Variants in HLA-DMB observed in about 807,000 individuals in gnomAD.
The protein encoded by HLA-DMB is major histocompatibility complex, class II, DM beta.
A neutral mutation model predicts 29.3 loss-of-function variants in HLA-DMB; 18 were observed. The ratio of observed to expected loss-of-function variants is 0.62; its 90% CI spans 0.43 to 0.91. The LOEUF is 0.91. Ranked by LOEUF, HLA-DMB falls within the 40% of genes least tolerant of loss-of-function variation. The pLI is 0.00. For missense variants in HLA-DMB, 258 were observed against 320.9 expected (o/e 0.80, Z 1.50); for synonymous variants, 143 against 128.7 (o/e 1.11, Z -0.75).
At chr6:32,938,329 G>T in intron 2 of HLA-DMB, 1 of 265,046 alleles carries the variant, frequency 3.8e-6, no homozygotes, top group Non-Finnish European at 7.1e-6. Context: ...AGAATCCCCT[G>T]GGATTCCAAA....
rs761448834 is a variant in HLA-DMB, at chr6:32,938,854, G to C, written c.167C>G (p.Pro56Arg). 6.2e-7 allele frequency: 1 copy of C among 1,612,392 alleles called. No individual in the cohort carries two copies. Among genetic ancestry groups the C allele is most frequent in the South Asian group, 1.1e-5 (1 of 91,000 alleles). Residue 56 changes from proline to arginine, a missense_variant, in exon 2 of 6, where the codon CCA becomes CGA. By Grantham distance (103) the Pro-to-Arg change is moderately radical. Transcript: ENST00000418107. ...FNKDLLTCWD[P>R]EENKMAPCEF... ...GCAAGGGGCCATCTTATTCTCCTCT[G>C]GATCCCAGCAGGTCAGCAGATCCTT... is the stretch of plus-strand genomic sequence containing the variant.
intron 3 of HLA-DMB, chr6:32,935,904 A>G (rs1775969894): frequency 1.9e-6 from 1 of 535,434 alleles, no homozygotes; most frequent in South Asian, 2.5e-5. Flanking sequence ...GTCCTCTCTA[A>G]TACAGTGGGG....
rs1238311872 is a variant in HLA-DMB at position 32,938,727 on chromosome 6, G to A, written c.294C>T (p.Ala98=). Residue 98 remains alanine, a synonymous_variant, in exon 2 of 6, where the codon GCC becomes GCT. Coordinates refer to ENST00000418107, the MANE Select transcript of HLA-DMB (RefSeq NM_002118.5). ...ATCCCCAGAAGGGCTGGGTGTGTGT[G>A]GCACAATTCTGAAGCCCATTGCGCA... is the stretch of plus-strand genomic sequence containing the variant. ...QRLRNGLQNC[A]THTQPFWGSL... is the part of the protein sequence containing the mutation. 6.3e-7 allele frequency: 1 copy of A among 1,579,190 alleles called. No individual in the cohort carries two copies. Among genetic ancestry groups the A allele is most frequent in the Non-Finnish European group, 8.6e-7 (1 of 1,162,068 alleles).
rs1394052694 is a variant in HLA-DMB, at chr6:32,935,357, A to G, written c.760T>C (p.Ser254Pro). 1 of 1,611,322 alleles carries G rather than the reference A, an allele frequency of 6.2e-7. No individual in the cohort carries two copies. Among genetic ancestry groups the G allele is most frequent in the Non-Finnish European group, 8.5e-7 (1 of 1,178,426 alleles). Reference protein sequence around the residue: ...GHSSYTPLPGSNYSEGWHIS With the variant: ...GHSSYTPLPGPNYSEGWHIS ...GAGATGTTACCTTCTGAATAATTGG[A>G]CCCAGGAAGAGGAGTGTAACCTAAG... Residue 254 changes from serine to proline, a missense_variant, in exon 5 of 6, where the codon TCC becomes CCC. Physicochemically the swap from Ser to Pro is moderately conservative, Grantham distance 74. Coordinates refer to ENST00000418107, the MANE Select transcript of HLA-DMB (RefSeq NM_002118.5).
Position 32,935,383 on chromosome 6 carries a change from A to G in HLA-DMB, c.740-6T>C. ...CCCAGGAAGAGGAGTGTAACCTAAG[A>G]GAGGAAGATACTTGATTATACCAGT... On this transcript the variant is annotated splice_polypyrimidine_tract_variant and splice_region_variant and intron_variant, in intron 4 of 5. Coordinates refer to ENST00000418107, the MANE Select transcript of HLA-DMB (RefSeq NM_002118.5). 1 of 1,606,680 alleles carries G rather than the reference A, an allele frequency of 6.2e-7. No homozygotes were observed. Among genetic ancestry groups the G allele is most frequent in the Non-Finnish European group, 8.5e-7 (1 of 1,174,202 alleles).
rs767501889 is a variant in HLA-DMB at position 32,940,766 on chromosome 6, G to A, written c.42C>T (p.Gly14=). ...AAGTGTCCTTACCTGCTCCTGTGCA[G>A]CCCAGGCTGAGCCCCAGCAGCAGCG... ...FLPLLLGLSL[G]CTGAGGFVAH... Residue 14 remains glycine, a synonymous_variant, in exon 1 of 6, where the codon GGC becomes GGT. Coordinates refer to ENST00000418107, the MANE Select transcript of HLA-DMB (RefSeq NM_002118.5). 21 of 1,606,004 alleles carry A rather than the reference G, an allele frequency of 1.3e-5. No individual in the cohort carries two copies. Among genetic ancestry groups the A allele is most frequent in the Non-Finnish European group, 1.8e-5 (21 of 1,176,854 alleles).
chr6:32,939,497 C>A (rs6940843), intron 1 of HLA-DMB, among the ~76,000 whole-genome samples: 3,363 of 152,264 alleles, frequency 0.022, 53 homozygotes, highest in South Asian at 0.038. Flanking sequence ...CTGGATGTTC[C>A]TTTGTATGCT....
At position 32,937,931 on chromosome 6, in the gene HLA-DMB, A is replaced by C. The variant is rs1776105066; in HGVS notation, c.338-475T>G. The C allele has an allele frequency of 1.3e-5, 2 of 159,002 alleles. No individual in the cohort carries two copies. Among genetic ancestry groups the C allele is most frequent in the Admixed American group, 1.3e-4 (2 of 15,724 alleles). 9.8% of individuals were successfully genotyped at this position (159,002 alleles called of 1,614,324 possible). On this transcript the variant is annotated intron_variant, in intron 2 of 5. Coordinates refer to ENST00000418107, the MANE Select transcript of HLA-DMB (RefSeq NM_002118.5). This position sits in a 1 kb window ranked among gnomAD's most constrained non-coding sequence, Gnocchi z 4.1. ...TTCAAGGAAACAAGCCTAACTTAGG[A>C]CTCACTCTTAAATTTGGAATGAATG...
Position 32,937,491 on chromosome 6 carries a change from G to T in HLA-DMB, c.338-35C>A. ...AGAAAAAAACATGTTTAGGAAGGAG[G>T]GTGACATTCTGGCTGCTTCCTCAAC... is the stretch of plus-strand genomic sequence containing the variant. On this transcript the variant is annotated intron_variant, in intron 2 of 5. Transcript: ENST00000418107. The surrounding 1 kb of genome is among the most constrained non-coding windows in gnomAD (Gnocchi z 4.1). 9 of 1,560,756 alleles carry T rather than the reference G, an allele frequency of 5.8e-6. No individual in the cohort carries two copies. The highest frequency in any genetic ancestry group is 2.3e-5 in the South Asian group (2 of 85,302).
Position 32,935,547 on chromosome 6 carries a change from G to A in HLA-DMB, c.728C>T (p.Ala243Val), listed in dbSNP as rs752932562. ...FSLGVISWRRAGHSSYTPLPG... is the reference protein window; with the variant it reads ...FSLGVISWRRVGHSSYTPLPG... ...AGCGAGTCACTCACTAGAGTGGCCA[G>A]CTCTCCGCCAGCTGATCACACCAAG... Residue 243 changes from alanine (A) to valine (V), a missense_variant, in exon 4 of 6, where the codon GCT (alanine) becomes GTT (valine). By Grantham distance (64) the Ala-to-Val change is moderately conservative. Coordinates refer to ENST00000418107, the MANE Select transcript of HLA-DMB (RefSeq NM_002118.5). 1.2e-6 allele frequency: 2 copies of A among 1,612,458 alleles called. No individual in the cohort carries two copies. Among genetic ancestry groups the A allele is most frequent in the Non-Finnish European group, 1.7e-6 (2 of 1,179,446 alleles).
In HLA-DMB at chr6:32,938,984, G is replaced by A. The variant is rs149133962; in HGVS notation, c.56-19C>T. 4.8e-6 allele frequency: 7 copies of A among 1,453,600 alleles called. No individual in the cohort carries two copies. The East Asian group carries it at 1.8e-4, about 38-fold the overall frequency. The allele number at this position is 1,453,600 out of a possible 1,614,324, so 90.0% of individuals were successfully genotyped here. A position where few individuals can be genotyped will look rare whatever the true frequency, so the allele number is the denominator to read the frequency against. Reference sequence around the variant, plus strand: ...AAGCCACCTAGAGGAGCCAGGGAAGGGAGAACAGGTCAATGTCTTCTACTG... The same window carrying A: ...AAGCCACCTAGAGGAGCCAGGGAAGAGAGAACAGGTCAATGTCTTCTACTG... On this transcript the variant is annotated intron_variant, in intron 1 of 5. Coordinates refer to ENST00000418107, the MANE Select transcript of HLA-DMB (RefSeq NM_002118.5).
At position 32,938,899 on chromosome 6, in the gene HLA-DMB, GTGAAAT is replaced by G; in HGVS notation, c.116_121del (p.Asp39_Thr41delinsAla). On this transcript the variant is annotated inframe_deletion, in exon 2 of 6. Coordinates refer to ENST00000418107, the MANE Select transcript of HLA-DMB (RefSeq NM_002118.5). ...ATCCTTGTTGAAGGAGATGCAGTAT[GTGAAAT>G]CCTTTGGAGTCCCAGCATCATCCAA... The G allele has an allele frequency of 6.2e-7, 1 of 1,610,816 alleles. No individual in the cohort carries two copies. The highest frequency in any genetic ancestry group is 8.5e-7 in the Non-Finnish European group (1 of 1,179,100).
At chr6:32,935,108 A>T (rs1206951141) in intron 5 of HLA-DMB, 121 bp from the exon 6 acceptor site, 1 of 1,129,432 alleles carries the variant, frequency 8.9e-7, no homozygotes, top group African/African-American at 1.5e-5. Context: ...ACCAACAACT[A>T]ATACAAAGGA....
chr6:32,935,882 C>G lies in HLA-DMB; in HGVS notation c.623-230G>C, dbSNP rs989192423. Reference sequence around the variant, plus strand: ...GAACCCATCTCCCCAGAATTAGCATCCTGGCTTCCAGGTCCTCTCTAATAC... The same window carrying G: ...GAACCCATCTCCCCAGAATTAGCATGCTGGCTTCCAGGTCCTCTCTAATAC... On this transcript the variant is annotated intron_variant, in intron 3 of 5. Transcript: ENST00000418107. 13 of 577,384 alleles carry G rather than the reference C, an allele frequency of 2.3e-5. No individual in the cohort carries two copies. The East Asian group carries it at 2.9e-4, about 13-fold the overall frequency. 35.8% of individuals were successfully genotyped at this position (577,384 alleles called of 1,614,324 possible). A position where few individuals can be genotyped will look rare whatever the true frequency, so the allele number is the denominator to read the frequency against.
chr6:32,940,328 G>A (rs1009918199), intron 1 of HLA-DMB, among the ~76,000 whole-genome samples: 6 of 152,018 alleles, frequency 3.9e-5, no homozygotes, highest in Non-Finnish European at 8.8e-5. Context: ...GTAGCCCCCC[G>A]AGATTATTTG....
At position 32,938,910 on chromosome 6, in the gene HLA-DMB, T is replaced by C; in HGVS notation, c.111A>G (p.Pro37=). 6.2e-7 allele frequency: 1 copy of C among 1,608,854 alleles called. No homozygotes were observed. Among genetic ancestry groups the C allele is most frequent in the South Asian group, 1.1e-5 (1 of 90,518 alleles). Residue 37 remains proline, a synonymous_variant, in exon 2 of 6, where the codon CCA becomes CCG. Transcript: ENST00000418107. The part of the protein sequence containing the change: ...STCLLDDAGT[P]KDFTYCISFN... ...AGGAGATGCAGTATGTGAAATCCTTTGGAGTCCCAGCATCATCCAACAGAC... is the reference window on the plus strand; with the variant it reads ...AGGAGATGCAGTATGTGAAATCCTTCGGAGTCCCAGCATCATCCAACAGAC...
chr6:32,934,879 T>C lies in HLA-DMB; in HGVS notation c.*92A>G. On this transcript the variant is annotated 3_prime_UTR_variant, in exon 6 of 6. Coordinates refer to ENST00000418107, the MANE Select transcript of HLA-DMB (RefSeq NM_002118.5). ...GGAGAAACCATAGGATCCAAGATAA[T>C]GTCAGGGGGTTGAAGATGTTGGAGA... 4.9e-6 allele frequency: 6 copies of C among 1,223,288 alleles called. No individual in the cohort carries two copies. Among genetic ancestry groups the C allele is most frequent in the Non-Finnish European group, 6.0e-6 (5 of 827,788 alleles). 75.8% of individuals were successfully genotyped at this position (1,223,288 alleles called of 1,614,324 possible).
rs1176348986 is a variant in HLA-DMB at position 32,934,717 on chromosome 6, A to C, written c.*254T>G. On this transcript the variant is annotated 3_prime_UTR_variant, in exon 6 of 6. Transcript: ENST00000418107. Reference sequence around the variant, plus strand: ...ACTGAGAGCCCCAGGAGGGTCTTTAACTCCCTTCCTCAGATTATATTCATC... The same window carrying C: ...ACTGAGAGCCCCAGGAGGGTCTTTACCTCCCTTCCTCAGATTATATTCATC... 1 of 556,708 alleles carries C rather than the reference A, an allele frequency of 1.8e-6. No homozygotes were observed. Among genetic ancestry groups the C allele is most frequent in the African/African-American group, 1.9e-5 (1 of 52,634 alleles). 34.5% of individuals were successfully genotyped at this position (556,708 alleles called of 1,614,324 possible). A position where few individuals can be genotyped will look rare whatever the true frequency, so the allele number is the denominator to read the frequency against.
At chr6:32,938,008 C>T (rs1049755585) in intron 2 of HLA-DMB, 2 of 153,754 alleles carry the variant, frequency 1.3e-5, no homozygotes, top group Non-Finnish European at 2.9e-5. Flanking sequence ...AATTTACTCT[C>T]CTAGGTGATC....
Sources: gnomAD v4.1 joint callset for allele counts (sites outside exome capture counted in the v4.1 genomes callset) on GRCh38, gnomAD v4.1.1 for gene constraint, Gnocchi (gnomAD v3.1) non-coding constraint, MANE v1.5 for transcripts, NCBI Gene and HGNC (gene_info 2026-07-23, HGNC 2026-07-21) for gene names.